ANLN: variants seen among roughly 807,000 people sequenced by gnomAD.
ANLN encodes anillin, actin binding protein, also known as anillin.
ANLN carries 59 observed loss-of-function variants against 135.1 expected under a neutral mutation model. The observed-to-expected ratio is 0.44, with a 90% CI of 0.35 to 0.54. The LOEUF (loss-of-function observed/expected upper bound fraction) is 0.54. ANLN is among the 20% of genes least tolerant of loss of function. The pLI, the probability that ANLN is intolerant of heterozygous loss-of-function variation, is 0.00. For missense variants in ANLN, 1,182 were observed against 1,340.0 expected, an observed-to-expected ratio of 0.88 and a Z score of 1.84; for synonymous variants, 406 against 456.4, an observed-to-expected ratio of 0.89 and a Z score of 1.41.
At chr7:36,447,134 G>A (rs1362539445) in intron 22 of ANLN, among the ~76,000 whole-genome samples, 1 of 152,198 alleles carries the variant, frequency 6.6e-6, no homozygotes, top group Admixed American at 6.5e-5. Flanking sequence ...ACCATTTACT[G>A]TGGTGGTAAC....
At chr7:36,411,038 T>C in intron 6 of ANLN, 21 bp from the exon 7 acceptor site, 1 of 1,566,358 alleles carries the variant, frequency 6.4e-7, no homozygotes, top group South Asian at 1.2e-5. Flanking sequence ...TTGTGTAAAA[T>C]ACAGCTTTTG....
At chr7:36,452,455 C>T (rs1583669476) in intron 23 of ANLN, 22 bp from the exon 24 acceptor site, 1 of 1,613,696 alleles carries the variant, frequency 6.2e-7, no homozygotes, top group Non-Finnish European at 8.5e-7. Context: ...ATTCTGACCT[C>T]TTTGGTTGTT....
At position 36,419,278 on chromosome 7, in the gene ANLN, T is replaced by A. The variant is rs200403769; in HGVS notation, c.1668T>A (p.Asp556Glu). 2.7e-5 allele frequency: 43 copies of A among 1,614,050 alleles called. No individual in the cohort carries two copies. The East Asian group carries it at 9.4e-4, about 35-fold the overall frequency. ...VIREIEMSVD[D>E]DDINSSKVIN... ...GTGAAATTGAGATGAGTGTGGATGATGATGATATCAATAGTTCGAAAGTAA... is the reference window on the plus strand; with the variant it reads ...GTGAAATTGAGATGAGTGTGGATGAAGATGATATCAATAGTTCGAAAGTAA... Residue 556 changes from aspartate to glutamate, a missense_variant, in exon 10 of 24, where the codon GAT (aspartate) becomes GAA (glutamate). Transcript: ENST00000265748.
In ANLN at chr7:36,415,728, T is replaced by C. The variant is rs779982937; in HGVS notation, c.1396-30T>C. ...AGATAAAATATATAGTTTTGAGAAA[T>C]AAAATTTACTTTTCATTCGCTTTTT... On this transcript the variant is annotated intron_variant, in intron 7 of 23. Transcript: ENST00000265748. 4 of 1,555,600 alleles carry C rather than the reference T, an allele frequency of 2.6e-6. No homozygotes were observed. In the African/African-American group the frequency reaches 4.2e-5, roughly 16 times the overall value.
intron 23 of ANLN, among the ~76,000 whole-genome samples, chr7:36,452,108 T>C (rs918575136): frequency 5.3e-5 from 8 of 152,180 alleles, no homozygotes; most frequent in Non-Finnish European, 1.2e-4. Flanking sequence ...GGAGTGCCCA[T>C]ATTCAGGGAG....
intron 23 of ANLN, among the ~76,000 whole-genome samples, 169 bp downstream of exon 23, chr7:36,450,006 A>G (rs922511338): frequency 5.3e-5 from 8 of 152,248 alleles, no homozygotes; most frequent in South Asian, 2.1e-4. Context: ...TAATAACTAA[A>G]TTAATGTAGT....
chr7:36,435,702 T>C (rs1788507562), intron 20 of ANLN, among the ~76,000 whole-genome samples: 1 of 150,660 alleles, frequency 6.6e-6, no homozygotes, highest in Non-Finnish European at 1.5e-5. Flanking sequence ...TGAAACCCCG[T>C]CTCTACTAAA....
At chr7:36,421,233 A>G (rs896482001) in intron 12 of ANLN, among the ~76,000 whole-genome samples, 1 of 152,018 alleles carries the variant, frequency 6.6e-6, no homozygotes, top group African/African-American at 2.4e-5. Context: ...ACACCTGGCT[A>G]ATTTTTATAT....
intron 20 of ANLN, among the ~76,000 whole-genome samples, chr7:36,432,744 C>T (rs1264312851): frequency 6.6e-6 from 1 of 152,004 alleles, no homozygotes; most frequent in African/African-American, 2.4e-5. Flanking sequence ...CCTTTTTAAT[C>T]TCCTCTTTTG....
intron 2 of ANLN, among the ~76,000 whole-genome samples, chr7:36,396,630 A>G (rs1786712124): frequency 6.6e-6 from 1 of 152,202 alleles, no homozygotes; most frequent in South Asian, 2.1e-4. Flanking sequence ...TCTAAAAAAT[A>G]TTTTAAATTA....
chr7:36,435,006 G>A (rs1202126178), intron 20 of ANLN, among the ~76,000 whole-genome samples: 2 of 152,180 alleles, frequency 1.3e-5, no homozygotes, highest in Non-Finnish European at 2.9e-5. Flanking sequence ...TTTAGAGGGT[G>A]ATGGAAATGT....
chr7:36,399,359 G>C lies in ANLN; in HGVS notation c.453G>C (p.Glu151Asp), dbSNP rs765120972. The C allele has an allele frequency of 5.0e-5, 80 of 1,613,084 alleles. No individual in the cohort carries two copies. In the Admixed American group the frequency reaches 5.8e-4, roughly 12 times the overall value. The change falls in exon 3 of 24, where the codon GAG (glutamate) becomes GAC (aspartate). Residue 151 changes from glutamate to aspartate, a missense_variant. Glu to Asp is a conservative substitution (Grantham distance 45). This residue lies in a region of ANLN where 1,022 missense variants were observed against 1,134.0 expected (regional missense o/e 0.90). Coordinates refer to ENST00000265748, the MANE Select transcript of ANLN (RefSeq NM_018685.5). ...SVKTRMQKLAEQRRRWDNDDM... is the reference protein window; with the variant it reads ...SVKTRMQKLADQRRRWDNDDM... ...AAACACGTATGCAAAAACTTGCAGA[G>C]CAACGGCGCCGTTGGGATAATGATG... is the stretch of plus-strand genomic sequence containing the variant.
chr7:36,406,401 C>T lies in ANLN; in HGVS notation c.708C>T (p.Ser236=). ...AACAGCCTGGTACCGCTTGTTTATC[C>T]AAATTTTCCTCTGCAAGTGGAGCAT... ...VQEQPGTACL[S]KFSSASGASA... is the part of the protein sequence containing the mutation. Residue 236 remains serine, a synonymous_variant, in exon 4 of 24, where the codon TCC becomes TCT. Transcript: ENST00000265748. The T allele has an allele frequency of 6.8e-6, 11 of 1,613,338 alleles. No individual in the cohort carries two copies. The highest frequency in any genetic ancestry group is 8.5e-6 in the Non-Finnish European group (10 of 1,179,348).
chr7:36,406,077 A>G, intron 3 of ANLN, 104 bp from the exon 4 acceptor site: 1 of 1,102,544 alleles, frequency 9.1e-7, no homozygotes, highest in Non-Finnish European at 1.2e-6. Context: ...TGGTTCTTAA[A>G]CCTATTAATC....
intron 22 of ANLN, among the ~76,000 whole-genome samples, chr7:36,447,437 T>TTTTTTTG (rs1789053268): frequency 6.7e-6 from 1 of 149,148 alleles, no homozygotes; most frequent in African/African-American, 2.5e-5. Flanking sequence ...TTTTTTTTTT[T>TTTTTTTG]TTTCTGAGAC....
chr7:36,440,455 TGAG>T (rs780256448), intron 21 of ANLN, among the ~76,000 whole-genome samples: 4 of 151,928 alleles, frequency 2.6e-5, no homozygotes, highest in Non-Finnish European at 5.9e-5. Flanking sequence ...GAGTGGGAGA[TGAG>T]GAATGAGCAC....
chr7:36,434,500 T>G (rs946937356), intron 20 of ANLN, among the ~76,000 whole-genome samples: 2 of 152,238 alleles, frequency 1.3e-5, no homozygotes, highest in Non-Finnish European at 2.9e-5. Flanking sequence ...TTGTTGCTTA[T>G]GGCAAGGTTG....
chr7:36,411,239 G>A (rs1787401519), intron 7 of ANLN, 73 bp downstream of exon 7: 3 of 1,189,790 alleles, frequency 2.5e-6, no homozygotes, highest in Non-Finnish European at 3.5e-6. Flanking sequence ...GTTCTGTATT[G>A]GCAAATAATT....
Position 36,399,396 on chromosome 7 carries a change from A to G in ANLN, c.487+3A>G. ...TTGGGATAATGATGATATGACAGGT[A>G]TGAATTGTATAGATGGTATGGCCCA... On this transcript the variant is annotated splice_donor_region_variant and intron_variant, in intron 3 of 23. Coordinates refer to ENST00000265748, the MANE Select transcript of ANLN (RefSeq NM_018685.5). 2 of 1,596,602 alleles carry G rather than the reference A, an allele frequency of 1.3e-6. No homozygotes were observed. The highest frequency in any genetic ancestry group is 1.7e-6 in the Non-Finnish European group (2 of 1,170,578).
Sources: gnomAD v4.1 joint callset for allele counts (sites outside exome capture counted in the v4.1 genomes callset) on GRCh38, gnomAD v4.1.1 for gene constraint, gnomAD v4.1.1 regional missense constraint, MANE v1.5 for transcripts, NCBI Gene and HGNC (gene_info 2026-07-23, HGNC 2026-07-21) for gene names.